The following UBASH3A variants were observed in gnomAD, a reference collection of about 807,000 sequenced individuals.
The protein encoded by UBASH3A is ubiquitin-associated and SH3 domain-containing protein A.
In UBASH3A, 63 loss-of-function variants were observed where a neutral mutation model predicts 73.5. The observed-to-expected ratio is 0.86, with a 90% CI of 0.70 to 1.06. The LOEUF is 1.06. UBASH3A is among the 50% of genes least tolerant of loss of function. UBASH3A has a pLI of 0.00. For synonymous variants in UBASH3A, 363 were observed against 351.1 expected, an observed-to-expected ratio of 1.03 and a Z score of -0.38; for missense variants, 860 against 859.0, an observed-to-expected ratio of 1.00 and a Z score of -0.02.
Position 42,420,785 on chromosome 21 carries a change from C to T in UBASH3A, c.1046+2176C>T, listed in dbSNP as rs181819065. Among the ~76,000 whole-genome samples, 11 of 152,254 alleles carry T rather than the reference C, an allele frequency of 7.2e-5. No homozygotes were observed. In the East Asian group the frequency reaches 1.5e-3, roughly 21 times the overall value. ...AGCCTAAGTTTTTAAAAAAAAATGCCTTCCAACTGCATAAGTCAGACCTGC... is the reference window on the plus strand; with the variant it reads ...AGCCTAAGTTTTTAAAAAAAAATGCTTTCCAACTGCATAAGTCAGACCTGC... On this transcript the variant is annotated intron_variant, in intron 7 of 14. Transcript: ENST00000319294.
Position 42,442,439 on chromosome 21 carries a change from C to T in UBASH3A, c.1487-13C>T, listed in dbSNP as rs181393359. 627 of 1,612,574 alleles carry T rather than the reference C, an allele frequency of 3.9e-4. 3 individuals carry two copies. The highest frequency in any genetic ancestry group is 1.3e-3 in the South Asian group (119 of 90,674). ...GTTGAGGATGATAAACACTTGTATTCTGTTGAATCCAGAACTCAAACTGGA... is the reference window on the plus strand; with the variant it reads ...GTTGAGGATGATAAACACTTGTATTTTGTTGAATCCAGAACTCAAACTGGA... On this transcript the variant is annotated splice_polypyrimidine_tract_variant and intron_variant, in intron 11 of 14. Transcript: ENST00000319294.
chr21:42,420,398 C>A (rs2053315430), intron 7 of UBASH3A, among the ~76,000 whole-genome samples: 1 of 152,030 alleles, frequency 6.6e-6, no homozygotes, highest in Non-Finnish European at 1.5e-5. Context: ...ATTGATTAAT[C>A]TTTTGAATAT....
At chr21:42,445,832 CA>C (rs1026022434) in intron 14 of UBASH3A, among the ~76,000 whole-genome samples, 1 of 152,118 alleles carries the variant, frequency 6.6e-6, no homozygotes, top group African/African-American at 2.4e-5. Flanking sequence ...GAGCATTGTC[CA>C]AATAGGGCAG....
At chr21:42,437,337 T>C (rs2053642596) in intron 10 of UBASH3A, 151 bp from the exon 11 acceptor site, 6 of 650,948 alleles carry the variant, frequency 9.2e-6, no homozygotes, top group South Asian at 7.3e-5. Flanking sequence ...GTTCCACCCA[T>C]ACTTGGAGGC....
intron 6 of UBASH3A, 41 bp downstream of exon 6, chr21:42,416,652 G>A (rs541909091): frequency 6.9e-7 from 1 of 1,456,302 alleles, no homozygotes; most frequent in Non-Finnish European, 9.1e-7. Flanking sequence ...GCAGATGAAT[G>A]GGCTGGGCTC....
chr21:42,406,084 G>A (rs1224808203), intron 1 of UBASH3A, among the ~76,000 whole-genome samples: 1 of 151,934 alleles, frequency 6.6e-6, no homozygotes, highest in Non-Finnish European at 1.5e-5. Context: ...CGGGTAGCCA[G>A]GGAAGGACAG....
chr21:42,447,043 A>T lies in UBASH3A; in HGVS notation c.1849-14A>T. The T allele has an allele frequency of 6.2e-7, 1 of 1,607,468 alleles. No individual in the cohort carries two copies. The highest frequency in any genetic ancestry group is 2.2e-5 in the East Asian group (1 of 44,790). On this transcript the variant is annotated splice_polypyrimidine_tract_variant and intron_variant, in intron 14 of 14. Transcript: ENST00000319294. ...CTATAAGATATTAACAAGTGATTTAAAACTCTGTTCCAGATCCCTTCCCTG... is the reference window on the plus strand; with the variant it reads ...CTATAAGATATTAACAAGTGATTTATAACTCTGTTCCAGATCCCTTCCCTG...
intron 14 of UBASH3A, among the ~76,000 whole-genome samples, chr21:42,445,118 C>A (rs1357244915): frequency 6.6e-6 from 1 of 152,216 alleles, no homozygotes; most frequent in Non-Finnish European, 1.5e-5. Context: ...CAGGCTCTGG[C>A]AAGGGCCTTG....
chr21:42,405,797 C>T (rs753380478), intron 1 of UBASH3A, among the ~76,000 whole-genome samples: 22 of 152,006 alleles, frequency 1.4e-4, no homozygotes, highest in Admixed American at 2.6e-4. Flanking sequence ...AGGGGAGAGC[C>T]GTGGGTGCAA....
intron 8 of UBASH3A, among the ~76,000 whole-genome samples, chr21:42,430,885 C>T (rs1251241040): frequency 2.0e-5 from 3 of 152,132 alleles, no homozygotes; most frequent in Non-Finnish European, 4.4e-5. Context: ...CAGGGTTCCC[C>T]ACCTCTTGCT....
At chr21:42,443,053 G>A (rs539304310) in intron 12 of UBASH3A, 4 of 1,174,264 alleles carry the variant, frequency 3.4e-6, no homozygotes, top group South Asian at 2.5e-5. Flanking sequence ...CAAGGAGAGA[G>A]TCTTTGTCAT....
intron 3 of UBASH3A, among the ~76,000 whole-genome samples, chr21:42,411,426 A>T (rs368409271): frequency 6.6e-6 from 1 of 152,036 alleles, no homozygotes; most frequent in East Asian, 1.9e-4. Flanking sequence ...ACATACATAG[A>T]CAAATGCACA....
chr21:42,437,677 G>A, intron 11 of UBASH3A, 97 bp downstream of exon 11: 1 of 1,077,626 alleles, frequency 9.3e-7, no homozygotes, highest in Non-Finnish European at 1.4e-6. Flanking sequence ...TTGGATGACT[G>A]GCAATGAATG....
In UBASH3A at chr21:42,404,058, C is replaced by A. The variant is rs943156421; in HGVS notation, c.113C>A (p.Ala38Glu). 1.3e-6 allele frequency: 2 copies of A among 1,496,190 alleles called. No individual in the cohort carries two copies. The highest frequency in any genetic ancestry group is 1.3e-5 in the South Asian group (1 of 77,458). The allele number at this position is 1,496,190 out of a possible 1,614,324, so 92.7% of individuals were successfully genotyped here. Residue 38 changes from alanine (A) to glutamate (E), a missense_variant and splice_region_variant, in exon 1 of 15, where the codon GCG becomes GAG. Physicochemically the swap from Ala to Glu is moderately radical, Grantham distance 107. Coordinates refer to ENST00000319294, the MANE Select transcript of UBASH3A (RefSeq NM_018961.4). ...GCCATGGGCTTCCCGGTGCACACCGCGTGAGTACTGCCCAGAGACCCCGGG... is the reference window on the plus strand; with the variant it reads ...GCCATGGGCTTCCCGGTGCACACCGAGTGAGTACTGCCCAGAGACCCCGGG... ...LLAMGFPVHTALKALAATGRK... is the reference protein window; with the variant it reads ...LLAMGFPVHTELKALAATGRK...
In UBASH3A at chr21:42,426,902, G is replaced by A. The variant is rs190656420; in HGVS notation, c.1170+82G>A. On this transcript the variant is annotated intron_variant, in intron 8 of 14. Transcript: ENST00000319294. ...TTAACTTCACGGTGGACACAGCTTCGTAGGTGTAGCTTTTGTTCCATAGAC... is the reference window on the plus strand; with the variant it reads ...TTAACTTCACGGTGGACACAGCTTCATAGGTGTAGCTTTTGTTCCATAGAC... 1.8e-4 allele frequency: 267 copies of A among 1,522,270 alleles called. 1 individual carries two copies. The African/African-American group carries it at 2.5e-3, about 14-fold the overall frequency. 94.3% of individuals were successfully genotyped at this position (1,522,270 alleles called of 1,614,324 possible).
intron 11 of UBASH3A, among the ~76,000 whole-genome samples, chr21:42,440,300 C>G (rs987175042): frequency 3.9e-5 from 6 of 152,180 alleles, no homozygotes; most frequent in African/African-American, 1.4e-4. Context: ...GCAGGGTCTC[C>G]GAGTATCTGG....
chr21:42,416,461 C>A lies in UBASH3A; in HGVS notation c.687C>A (p.Cys229Ter). Residue 229 changes from cysteine (C) to a stop codon, truncating the protein, a stop_gained, in exon 6 of 15, where the codon TGC (cysteine) becomes TGA (stop). Transcript: ENST00000319294. LOFTEE classifies it high-confidence loss of function. ...ILQKYCSVKPCTKQLHLTLAH... is the reference protein window; with the variant it reads ...ILQKYCSVKP ...TCACAGACTGCTCCGTGAAGCCTTG[C>A]ACCAAACAGCTGCATCTGACCTTGG... 1 of 1,592,508 alleles carries A rather than the reference C, an allele frequency of 6.3e-7. No homozygotes were observed. Among genetic ancestry groups the A allele is most frequent in the Non-Finnish European group, 8.5e-7 (1 of 1,170,566 alleles).
chr21:42,413,058 C>A lies in UBASH3A; in HGVS notation c.389C>A (p.Ala130Glu). 1 of 1,614,240 alleles carries A rather than the reference C, an allele frequency of 6.2e-7. No individual in the cohort carries two copies. Among genetic ancestry groups the A allele is most frequent in the Non-Finnish European group, 8.5e-7 (1 of 1,180,042 alleles). ...EDQKVECLYE[A>E]LKRAGDRLLG... ...CAGAAGGTGGAATGCCTGTACGAGG[C>A]GCTGAAGAGAGCTGGAGACAGGCTC... The change falls in exon 4 of 15, where the codon GCG becomes GAG. Residue 130 changes from alanine to glutamate, a missense_variant. Transcript: ENST00000319294. The surrounding 1 kb of genome is among the most constrained non-coding windows in gnomAD (Gnocchi z 4.5).
chr21:42,412,602 G>C (rs1213919664), intron 3 of UBASH3A, among the ~76,000 whole-genome samples: 1 of 152,146 alleles, frequency 6.6e-6, no homozygotes, highest in Non-Finnish European at 1.5e-5. Flanking sequence ...GCTGAGTCCC[G>C]CTCACTACAG....
Sources: gnomAD v4.1 joint callset for allele counts (sites outside exome capture counted in the v4.1 genomes callset) on GRCh38, gnomAD v4.1.1 for gene constraint, Gnocchi (gnomAD v3.1) non-coding constraint, MANE v1.5 for transcripts, NCBI Gene and HGNC (gene_info 2026-07-23, HGNC 2026-07-21) for gene names.